Variants in UNC5C observed in about 807,000 individuals in gnomAD.
UNC5C encodes the protein unc-5 netrin receptor C, also known as netrin receptor UNC5C.
UNC5C carries 47 observed loss-of-function variants against 99.8 expected under a neutral mutation model. The observed-to-expected ratio is 0.47, with a 90% CI of 0.37 to 0.60. UNC5C has a LOEUF of 0.60. Among genes scored for constraint, UNC5C ranks in the 20% least tolerant of loss-of-function variants. The probability of loss-of-function intolerance (pLI) is 0.00; values close to 1 mark genes in which losing one functional copy is unlikely to be tolerated. For synonymous variants in UNC5C, 487 were observed against 452.2 expected (o/e 1.08, Z -0.98); for missense variants, 1,062 against 1,165.9 (o/e 0.91, Z 1.30).
At chr4:95,338,317 G>A (rs541576358) in intron 1 of UNC5C, among the ~76,000 whole-genome samples, 42 of 152,072 alleles carry the variant, frequency 2.8e-4, no homozygotes, top group African/African-American at 9.2e-4. Flanking sequence ...ATCTTTTTAC[G>A]AAACTGTATC....
intron 2 of UNC5C, among the ~76,000 whole-genome samples, chr4:95,317,064 G>T (rs974430645): frequency 2.0e-5 from 3 of 151,808 alleles, no homozygotes; most frequent in African/African-American, 7.3e-5. Context: ...CTTGCCAAAG[G>T]TTCATGTTTT....
intron 1 of UNC5C, among the ~76,000 whole-genome samples, chr4:95,446,217 G>T (rs777833036): frequency 2.6e-5 from 4 of 151,944 alleles, no homozygotes; most frequent in Non-Finnish European, 5.9e-5. Flanking sequence ...GCAAGATGTA[G>T]CCAGAGAGCA....
intron 1 of UNC5C, among the ~76,000 whole-genome samples, chr4:95,431,681 T>C (rs910467316): frequency 2.0e-5 from 3 of 152,094 alleles, no homozygotes; most frequent in Non-Finnish European, 4.4e-5. Context: ...TGTCATTCCA[T>C]TCCTCCCTAC....
intron 1 of UNC5C, among the ~76,000 whole-genome samples, chr4:95,539,980 T>C (rs1473527262): frequency 6.6e-6 from 1 of 151,882 alleles, no homozygotes; most frequent in Non-Finnish European, 1.5e-5. Flanking sequence ...TTCACTGTGG[T>C]CATTTTAATT....
chr4:95,459,669 A>G (rs1455423719), intron 1 of UNC5C, among the ~76,000 whole-genome samples: 1 of 152,208 alleles, frequency 6.6e-6, no homozygotes, highest in Non-Finnish European at 1.5e-5. Context: ...ATCAAGGACA[A>G]CATAGTTAGA....
chr4:95,320,653 T>G (rs1742655361), intron 2 of UNC5C, among the ~76,000 whole-genome samples: 1 of 152,204 alleles, frequency 6.6e-6, no homozygotes, highest in South Asian at 2.1e-4. Flanking sequence ...GCTCCTGAAA[T>G]GTCCGTTTCA....
At chr4:95,363,836 C>T (rs565825047) in intron 1 of UNC5C, among the ~76,000 whole-genome samples, 2 of 152,294 alleles carry the variant, frequency 1.3e-5, no homozygotes, top group East Asian at 3.9e-4. Context: ...TCACCTCTTT[C>T]CTTGCACAGC....
chr4:95,258,746 C>CTTTTTTTTTTTTTTTTTTTTTTTTTTT (rs775570031), intron 4 of UNC5C, among the ~76,000 whole-genome samples: 7 of 76,054 alleles, frequency 9.2e-5, no homozygotes, highest in Admixed American at 1.5e-4. Context: ...CCATCTTATT[C>CTTTTTTTTTTTTTTTTTTTTTTTTTTT]TTTTTTTTTT....
intron 1 of UNC5C, among the ~76,000 whole-genome samples, chr4:95,486,951 A>G (rs1721343580): frequency 1.3e-5 from 2 of 151,674 alleles, no homozygotes; most frequent in South Asian, 4.1e-4. Flanking sequence ...TGAATGGATC[A>G]AGGCCAATTA....
chr4:95,495,790 A>G (rs1247333651), intron 1 of UNC5C, among the ~76,000 whole-genome samples: 1 of 151,724 alleles, frequency 6.6e-6, no homozygotes. Flanking sequence ...TTATGAAATT[A>G]GTGGAAAACT....
chr4:95,495,231 C>T (rs143905458), intron 1 of UNC5C, among the ~76,000 whole-genome samples: 1 of 151,598 alleles, frequency 6.6e-6, no homozygotes, highest in African/African-American at 2.4e-5. Flanking sequence ...ACACACTCCC[C>T]ACTCCCTTCT....
intron 1 of UNC5C, among the ~76,000 whole-genome samples, chr4:95,451,626 TTG>T (rs1244250610): frequency 2.0e-5 from 3 of 152,166 alleles, no homozygotes; most frequent in Non-Finnish European, 4.4e-5. Context: ...AGAAAGAATA[TTG>T]TCTTACTACT....
At chr4:95,292,236 C>CATAT (rs71583696) in intron 3 of UNC5C, among the ~76,000 whole-genome samples, 4,465 of 88,436 alleles carry the variant, frequency 0.05, 94 homozygotes, top group Non-Finnish European at 0.078. Context: ...CACACACACA[C>CATAT]ATATATATAT....
At chr4:95,545,720 C>T (rs1723039584) in intron 1 of UNC5C, among the ~76,000 whole-genome samples, 1 of 151,500 alleles carries the variant, frequency 6.6e-6, no homozygotes, top group Non-Finnish European at 1.5e-5. Flanking sequence ...ATTTATAAAC[C>T]AGGAGGGTCC....
At chr4:95,414,346 A>G (rs1746096903) in intron 1 of UNC5C, among the ~76,000 whole-genome samples, 1 of 152,176 alleles carries the variant, frequency 6.6e-6, no homozygotes, top group Non-Finnish European at 1.5e-5. Context: ...CTTCCTACAA[A>G]GGCCACTCTA....
At chr4:95,451,754 T>G (rs1747284626) in intron 1 of UNC5C, among the ~76,000 whole-genome samples, 1 of 152,308 alleles carries the variant, frequency 6.6e-6, no homozygotes, top group African/African-American at 2.4e-5. Context: ...AAAGAATTCT[T>G]TTGATAAACA....
rs1168761531 is a variant in UNC5C, at chr4:95,174,423, A to C, written c.2452-4091T>G. Among the ~76,000 whole-genome samples the C allele has an allele frequency of 3.3e-5, 5 of 152,116 alleles. No individual in the cohort carries two copies. The South Asian group carries it at 8.3e-4, about 25-fold the overall frequency. ...CTACACACTGCTTTGAATGGGTCCC[A>C]GAGATTCTGGTATGTTGTGTCTTTG... On this transcript the variant is annotated intron_variant, in intron 14 of 15. Transcript: ENST00000453304.
chr4:95,307,480 G>C (rs901985885), intron 2 of UNC5C, among the ~76,000 whole-genome samples: 3 of 152,050 alleles, frequency 2.0e-5, no homozygotes, highest in Admixed American at 6.5e-5. Flanking sequence ...TGATCAGTAA[G>C]ATGATTAAAT....
rs140321900 is a variant in UNC5C, at chr4:95,382,611, A to G, written c.125-46980T>C. Among the ~76,000 whole-genome samples, 3 of 152,290 alleles carry G rather than the reference A, an allele frequency of 2.0e-5. No homozygotes were observed. The East Asian group carries it at 5.8e-4, about 29-fold the overall frequency. The stretch of plus-strand genomic sequence containing the variant: ...AATATATGAGAAAACTGGCACTCAA[A>G]AGGAATTGAGAAGGCATAATTGACC... On this transcript the variant is annotated intron_variant, in intron 1 of 15. Coordinates refer to ENST00000453304, the MANE Select transcript of UNC5C (RefSeq NM_003728.4).
Sources: allele counts gnomAD v4.1 joint callset (sites outside exome capture counted in the v4.1 genomes callset), GRCh38; gene constraint gnomAD v4.1.1; transcripts MANE v1.5; gene names NCBI Gene and HGNC (gene_info 2026-07-23, HGNC 2026-07-21).